The following PTPRU variants were observed in gnomAD, a reference collection of about 807,000 sequenced individuals.
The protein encoded by PTPRU is receptor-type tyrosine-protein phosphatase U.
Under a neutral mutation model 166.3 loss-of-function variants are expected in PTPRU, and 69 were observed. The observed-to-expected ratio is 0.41, with a 90% CI of 0.34 to 0.51. The LOEUF is 0.51. PTPRU is among the 20% of genes least tolerant of loss of function. The pLI is 0.09. For synonymous variants in PTPRU, 793 were observed against 814.0 expected (o/e 0.97, Z 0.44); for missense variants, 1,657 against 2,013.7 (o/e 0.82, Z 3.39).
At chr1:29,261,299 C>T (rs553187337) in intron 7 of PTPRU, among the ~76,000 whole-genome samples, 2 of 152,266 alleles carry the variant, frequency 1.3e-5, no homozygotes, top group East Asian at 3.9e-4. Flanking sequence ...CTTAATTCTA[C>T]ATCTAGATAA....
chr1:29,275,312 C>T, intron 7 of PTPRU, 136 bp from the exon 8 acceptor site: 1 of 933,586 alleles, frequency 1.1e-6, no homozygotes. Context: ...GTTTGATGTT[C>T]TAGGGGTCCC....
chr1:29,325,042 C>T (rs1688342713), intron 28 of PTPRU, 149 bp from the exon 29 acceptor site: 1 of 1,095,448 alleles, frequency 9.1e-7, no homozygotes, highest in African/African-American at 1.6e-5. Flanking sequence ...CTCCGCCCCT[C>T]ACCTCTGGGC....
At chr1:29,256,557 A>C (rs1684781249) in intron 2 of PTPRU, among the ~76,000 whole-genome samples, 1 of 152,226 alleles carries the variant, frequency 6.6e-6, no homozygotes, top group Admixed American at 6.5e-5. Flanking sequence ...ATGACCTGGC[A>C]CAGGCGCCTC....
At chr1:29,275,162 T>A (rs941162055) in intron 7 of PTPRU, among the ~76,000 whole-genome samples, 2 of 152,138 alleles carry the variant, frequency 1.3e-5, no homozygotes, top group African/African-American at 4.8e-5. Flanking sequence ...AGGCAGGGCC[T>A]ATTATCTTTT....
rs112065777 is a variant in PTPRU, at chr1:29,315,631, A to G, written c.3363+124A>G. ...TGAGGCTCTTGCCTTCCCTCAGATC[A>G]TCCCTGACCTTGGGCCGCCAACTGC... On this transcript the variant is annotated intron_variant, in intron 23 of 29. Transcript: ENST00000373779. The surrounding 1 kb of genome is among the most constrained non-coding windows in gnomAD (Gnocchi z 4.5). 1.4e-6 allele frequency: 2 copies of G among 1,404,730 alleles called. No individual in the cohort carries two copies. 87.0% of individuals were successfully genotyped at this position (1,404,730 alleles called of 1,614,324 possible). A position where few individuals can be genotyped will look rare whatever the true frequency, so the allele number is the denominator to read the frequency against.
At chr1:29,267,059 T>C (rs1462541427) in intron 7 of PTPRU, among the ~76,000 whole-genome samples, 1 of 152,174 alleles carries the variant, frequency 6.6e-6, no homozygotes, top group African/African-American at 2.4e-5. Context: ...ACCCTGTCTC[T>C]ACAACACAAC....
In PTPRU at chr1:29,315,868, G is replaced by T; in HGVS notation, c.3364-134G>T. On this transcript the variant is annotated intron_variant, in intron 23 of 29. Coordinates refer to ENST00000373779, the MANE Select transcript of PTPRU (RefSeq NM_133178.4). This position sits in a 1 kb window ranked among gnomAD's most constrained non-coding sequence, Gnocchi z 4.5. The stretch of plus-strand genomic sequence containing the variant: ...ATGGAGGTTGTTTCAGGTAGGCTTG[G>T]TCCAGCCTGTAGTAACATGGTTGGC... 2 of 1,142,158 alleles carry T rather than the reference G, an allele frequency of 1.8e-6. No homozygotes were observed. Among genetic ancestry groups the T allele is most frequent in the Non-Finnish European group, 2.5e-6 (2 of 814,196 alleles). 70.8% of individuals were successfully genotyped at this position (1,142,158 alleles called of 1,614,324 possible). A position where few individuals can be genotyped will look rare whatever the true frequency, so the allele number is the denominator to read the frequency against.
At chr1:29,269,726 G>A (rs1379255825) in intron 7 of PTPRU, among the ~76,000 whole-genome samples, 1 of 152,212 alleles carries the variant, frequency 6.6e-6, no homozygotes, top group Non-Finnish European at 1.5e-5. Context: ...AGCATCAGGC[G>A]AAGGCATTTT....
Position 29,279,614 on chromosome 1 carries a change from C to T in PTPRU, c.1722C>T (p.Gly574=). The change falls in exon 10 of 30, where the codon GGC becomes GGT. Residue 574 remains glycine (G), a synonymous_variant. Coordinates refer to ENST00000373779, the MANE Select transcript of PTPRU (RefSeq NM_133178.4). This position sits in a 1 kb window ranked among gnomAD's most constrained non-coding sequence, Gnocchi z 5.2. The part of the protein sequence containing the change: ...LFSVRARTGK[G]FGQAALTEIT... Reference sequence around the variant, plus strand: ...CCGTGCGGGCCCGCACAGGCAAAGGCTTCGGCCAGGCGGCACTCACTGAGA... The same window carrying T: ...CCGTGCGGGCCCGCACAGGCAAAGGTTTCGGCCAGGCGGCACTCACTGAGA... The T allele has an allele frequency of 6.2e-7, 1 of 1,613,760 alleles. No individual in the cohort carries two copies. Among genetic ancestry groups the T allele is most frequent in the East Asian group, 2.2e-5 (1 of 44,876 alleles).
intron 15 of PTPRU, among the ~76,000 whole-genome samples, chr1:29,299,951 A>G (rs1557464805): frequency 6.6e-6 from 1 of 152,208 alleles, no homozygotes; most frequent in Non-Finnish European, 1.5e-5. Context: ...CTTGTCAGCC[A>G]GCTGCCATGG....
chr1:29,280,190 G>C lies in PTPRU; in HGVS notation c.1868+49G>C. On this transcript the variant is annotated intron_variant, in intron 11 of 29. Coordinates refer to ENST00000373779, the MANE Select transcript of PTPRU (RefSeq NM_133178.4). The surrounding 1 kb of genome is among the most constrained non-coding windows in gnomAD (Gnocchi z 4.2). ...TGGGAGTCCAGGGCCTTAGGAAAGA[G>C]GCCCCTCCTCTGACCCAGAGCCCCA... The C allele has an allele frequency of 6.5e-7, 1 of 1,527,124 alleles. No individual in the cohort carries two copies. Among genetic ancestry groups the C allele is most frequent in the Non-Finnish European group, 9.0e-7 (1 of 1,106,242 alleles). 94.6% of individuals were successfully genotyped at this position (1,527,124 alleles called of 1,614,324 possible).
At chr1:29,285,548 G>A (rs987249424) in intron 14 of PTPRU, among the ~76,000 whole-genome samples, 73 of 152,224 alleles carry the variant, frequency 4.8e-4, no homozygotes, top group Admixed American at 4.7e-3. Flanking sequence ...CCAGAACCTA[G>A]AATCTTGCAG....
At position 29,238,409 on chromosome 1, in the gene PTPRU, G is replaced by C. The variant is rs1355100353; in HGVS notation, c.73+1692G>C. 3.9e-5 allele frequency among the ~76,000 whole-genome samples: 6 copies of C among 152,084 alleles called. No individual in the cohort carries two copies. Among genetic ancestry groups the C allele is most frequent in the Admixed American group, 6.5e-5 (1 of 15,288 alleles). On this transcript the variant is annotated intron_variant, in intron 1 of 29. Transcript: ENST00000373779. The surrounding 1 kb of genome is among the most constrained non-coding windows in gnomAD (Gnocchi z 6.1). ...GCTGCTCCGCGGGCTCCGGGTAGCC[G>C]GGAGACGCCCGGGGCGGGATCCGAG...
chr1:29,257,989 G>A lies in PTPRU; in HGVS notation c.206-516G>A, dbSNP rs1253122720. ...TAATTTTTTTTTTCTTTTTGAGACC[G>A]AGTCTTGCTCTGTCACCCAGGCTGG... On this transcript the variant is annotated intron_variant, in intron 2 of 29. Coordinates refer to ENST00000373779, the MANE Select transcript of PTPRU (RefSeq NM_133178.4). This position sits in a 1 kb window ranked among gnomAD's most constrained non-coding sequence, Gnocchi z 4.6. 1.3e-5 allele frequency among the ~76,000 whole-genome samples: 2 copies of A among 151,646 alleles called. No individual in the cohort carries two copies. Among genetic ancestry groups the A allele is most frequent in the Admixed American group, 6.6e-5 (1 of 15,232 alleles).
At chr1:29,272,906 C>CAAAAAAAAAAAAAAA (rs57076551) in intron 7 of PTPRU, among the ~76,000 whole-genome samples, 1 of 54,664 alleles carries the variant, frequency 1.8e-5, no homozygotes, top group Non-Finnish European at 3.8e-5. Context: ...GACCTTGTCT[C>CAAAAAAAAAAAAAAA]AAAAAAAAAA....
At position 29,315,919 on chromosome 1, in the gene PTPRU, AC is replaced by A; in HGVS notation, c.3364-81del. 2.0e-6 allele frequency: 3 copies of A among 1,519,946 alleles called. No homozygotes were observed. The highest frequency in any genetic ancestry group is 2.7e-6 in the Non-Finnish European group (3 of 1,117,340). The allele number at this position is 1,519,946 out of a possible 1,614,324, so 94.2% of individuals were successfully genotyped here. ...CTCCACCTCAGGACACCCTGCTTCA[AC>A]CTTGAGCTTGCTTAAGCCCCATCAC... On this transcript the variant is annotated intron_variant, in intron 23 of 29. Transcript: ENST00000373779. The surrounding 1 kb of genome is among the most constrained non-coding windows in gnomAD (Gnocchi z 4.5).
intron 16 of PTPRU, among the ~76,000 whole-genome samples, chr1:29,304,389 C>G (rs1328130746): frequency 6.6e-6 from 1 of 152,182 alleles, no homozygotes; most frequent in African/African-American, 2.4e-5. Flanking sequence ...GACTGTCATC[C>G]TAAGCTCCAT....
chr1:29,310,601 C>T (rs1440855318), intron 18 of PTPRU, 143 bp from the exon 19 acceptor site: 2 of 862,550 alleles, frequency 2.3e-6, no homozygotes, highest in Admixed American at 1.9e-5. Context: ...CAAAGTCATC[C>T]TGCTTAGGAG....
At position 29,317,216 on chromosome 1, in the gene PTPRU, G is replaced by T. The variant is rs1009842134; in HGVS notation, c.3514-532G>T. On this transcript the variant is annotated intron_variant, in intron 24 of 29. Coordinates refer to ENST00000373779, the MANE Select transcript of PTPRU (RefSeq NM_133178.4). This position sits in a 1 kb window ranked among gnomAD's most constrained non-coding sequence, Gnocchi z 5.6. ...GAGGAGATGCCCCGGAGATCCAGGTGTGATTCAGTGCCCGGTGCTTAGGAC... is the reference window on the plus strand; with the variant it reads ...GAGGAGATGCCCCGGAGATCCAGGTTTGATTCAGTGCCCGGTGCTTAGGAC... 6.6e-6 allele frequency among the ~76,000 whole-genome samples: 1 copy of T among 152,184 alleles called. No homozygotes were observed. Among genetic ancestry groups the T allele is most frequent in the Non-Finnish European group, 1.5e-5 (1 of 68,030 alleles).
Sources: gnomAD v4.1 joint callset for allele counts (sites outside exome capture counted in the v4.1 genomes callset) on GRCh38, gnomAD v4.1.1 for gene constraint, Gnocchi (gnomAD v3.1) non-coding constraint, MANE v1.5 for transcripts, NCBI Gene and HGNC (gene_info 2026-07-23, HGNC 2026-07-21) for gene names.